The following LRP1B variants were observed in gnomAD, a reference collection of about 807,000 sequenced individuals.
LRP1B encodes the protein LDL receptor related protein 1B, also known as low-density lipoprotein receptor-related protein 1B.
LRP1B carries 217 observed loss-of-function variants against 556.6 expected under a neutral mutation model. The observed-to-expected ratio is 0.39, with a 90% CI of 0.35 to 0.44. The LOEUF is 0.44. Ranked by LOEUF, LRP1B falls within the 20% of genes least tolerant of loss-of-function variation. The pLI is 1.00. For missense variants in LRP1B, 5,053 were observed against 5,620.8 expected (o/e 0.90, Z 3.23); for synonymous variants, 2,047 against 1,865.8 (o/e 1.10, Z -2.50).
At chr2:140,800,546 A>G (rs1690472887) in intron 32 of LRP1B, among the ~76,000 whole-genome samples, 1 of 152,196 alleles carries the variant, frequency 6.6e-6, no homozygotes, top group Non-Finnish European at 1.5e-5. Flanking sequence ...ACAAGTATAG[A>G]ATTGTAAATT....
intron 2 of LRP1B, among the ~76,000 whole-genome samples, chr2:141,677,934 G>C (rs1042233130): frequency 6.6e-6 from 1 of 152,160 alleles, no homozygotes; most frequent in Non-Finnish European, 1.5e-5. Flanking sequence ...CAAGAGGTTT[G>C]AGTAGATGGT....
At chr2:140,981,538 A>T (rs989204365) in intron 18 of LRP1B, among the ~76,000 whole-genome samples, 1 of 152,140 alleles carries the variant, frequency 6.6e-6, no homozygotes, top group African/African-American at 2.4e-5. Flanking sequence ...CATGAGTACA[A>T]TGAGAGTAGT....
chr2:141,715,163 A>G (rs1353734204), intron 2 of LRP1B, among the ~76,000 whole-genome samples: 1 of 152,134 alleles, frequency 6.6e-6, no homozygotes, highest in East Asian at 1.9e-4. Flanking sequence ...TTGACTCAAA[A>G]TGAACATTAA....
chr2:142,002,338 C>A (rs917031155), intron 1 of LRP1B, among the ~76,000 whole-genome samples: 4 of 151,898 alleles, frequency 2.6e-5, no homozygotes, highest in African/African-American at 9.7e-5. Context: ...CATCAGATGG[C>A]CTCTTTTCTC....
At chr2:140,448,546 C>G (rs1391868480) in intron 63 of LRP1B, among the ~76,000 whole-genome samples, 1 of 151,940 alleles carries the variant, frequency 6.6e-6, no homozygotes, top group African/African-American at 2.4e-5. Flanking sequence ...TATGTAGACT[C>G]TAAGAAAGTC....
intron 11 of LRP1B, among the ~76,000 whole-genome samples, chr2:141,042,922 C>T (rs1698744809): frequency 6.7e-6 from 1 of 149,476 alleles, no homozygotes; most frequent in Admixed American, 6.7e-5. Context: ...ATAAAAATCA[C>T]CGTTGGGGAC....
At chr2:140,466,492 G>A (rs923710017) in intron 60 of LRP1B, among the ~76,000 whole-genome samples, 1 of 152,014 alleles carries the variant, frequency 6.6e-6, no homozygotes, top group East Asian at 1.9e-4. Context: ...AGGTCTAGGG[G>A]TATAGAAACA....
chr2:140,859,763 G>C (rs180693436), intron 27 of LRP1B, among the ~76,000 whole-genome samples: 2 of 152,188 alleles, frequency 1.3e-5, no homozygotes, highest in South Asian at 4.1e-4. Context: ...GGGAGGCCGA[G>C]GTGGGCGGAT....
chr2:141,842,806 T>C (rs1243243785), intron 1 of LRP1B, among the ~76,000 whole-genome samples: 1 of 152,168 alleles, frequency 6.6e-6, no homozygotes, highest in Non-Finnish European at 1.5e-5. Flanking sequence ...CTGATTTTAA[T>C]GACCTGTCAA....
At chr2:142,070,047 C>A (rs866070943) in intron 1 of LRP1B, among the ~76,000 whole-genome samples, 2 of 151,706 alleles carry the variant, frequency 1.3e-5, no homozygotes, top group African/African-American at 4.8e-5. Flanking sequence ...TAGCCTTGTA[C>A]GAGGCTCATA....
At chr2:141,140,863 A>G (rs930913035) in intron 7 of LRP1B, among the ~76,000 whole-genome samples, 15 of 152,084 alleles carry the variant, frequency 9.9e-5, no homozygotes, top group Non-Finnish European at 2.1e-4. Context: ...ACAATTATAT[A>G]TAATATACAT....
chr2:140,529,892 C>T, intron 47 of LRP1B, among the ~76,000 whole-genome samples: 1 of 151,870 alleles, frequency 6.6e-6, no homozygotes, highest in East Asian at 1.9e-4. Flanking sequence ...CTCCAGATGG[C>T]CTGAAGTCTA....
chr2:141,102,818 T>C (rs4954882), intron 7 of LRP1B, among the ~76,000 whole-genome samples: 51,351 of 151,912 alleles, frequency 0.34, 9,106 homozygotes, highest in East Asian at 0.52. Context: ...CCCAGTTCAG[T>C]TTTTCTTGAG....
intron 77 of LRP1B, among the ~76,000 whole-genome samples, chr2:140,336,626 C>A (rs911630938): frequency 2.0e-5 from 3 of 151,854 alleles, no homozygotes; most frequent in African/African-American, 7.2e-5. Context: ...TGGCTAGACA[C>A]ATTTAGGGTA....
chr2:140,787,337 AT>A (rs1689940821), intron 32 of LRP1B, among the ~76,000 whole-genome samples: 1 of 151,726 alleles, frequency 6.6e-6, no homozygotes, highest in Admixed American at 6.6e-5. Flanking sequence ...CTCCACTGCT[AT>A]TCCCTCCACT....
At chr2:140,329,418 TAA>T (rs1161971829) in intron 79 of LRP1B, among the ~76,000 whole-genome samples, 3 of 151,914 alleles carry the variant, frequency 2.0e-5, no homozygotes, top group East Asian at 1.9e-4. Context: ...GAGAAAGAAA[TAA>T]AGTGTATTCA....
chr2:141,689,092 A>C (rs1054262198), intron 2 of LRP1B, among the ~76,000 whole-genome samples: 9 of 151,862 alleles, frequency 5.9e-5, no homozygotes, highest in Admixed American at 4.6e-4. Flanking sequence ...TCCTGGCTGA[A>C]TCACAGGTGT....
intron 63 of LRP1B, 121 bp from the exon 64 acceptor site, chr2:140,444,800 G>C (rs11902052): frequency 0.25 from 163,299 of 654,874 alleles, 22,422 homozygotes; most frequent in Non-Finnish European, 0.28. Context: ...CAATGTGAAT[G>C]TCTCTCATCT....
intron 32 of LRP1B, among the ~76,000 whole-genome samples, chr2:140,786,232 A>G (rs1689895498): frequency 6.6e-6 from 1 of 152,246 alleles, no homozygotes; most frequent in Admixed American, 6.5e-5. Context: ...ATTGCAGTCA[A>G]CTTTCAATTT....
Sources: gnomAD v4.1 joint callset for allele counts (sites outside exome capture counted in the v4.1 genomes callset) on GRCh38, gnomAD v4.1.1 for gene constraint, MANE v1.5 for transcripts, NCBI Gene and HGNC (gene_info 2026-07-23, HGNC 2026-07-21) for gene names.